PARD3B: variants seen among roughly 807,000 people sequenced by gnomAD.
PARD3B encodes the protein partitioning defective 3 homolog B.
In PARD3B, 103 loss-of-function variants were observed where a neutral mutation model predicts 130.2. The ratio of observed to expected loss-of-function variants is 0.79; its 90% confidence interval spans 0.67 to 0.93. PARD3B has a LOEUF of 0.93. PARD3B is among the 40% of genes least tolerant of loss of function. PARD3B has a pLI of 0.00. For missense variants in PARD3B, 1,609 were observed against 1,499.2 expected (o/e 1.07, Z -1.21); for synonymous variants, 583 against 553.2 (o/e 1.05, Z -0.76).
chr2:205,500,040 A>T lies in PARD3B; in HGVS notation c.3180+9A>T. ...AGTATGACCTACTCTGGGTAAGCGCATGCATGATTTCAATCGTTGAATTCA... is the reference window on the plus strand; with the variant it reads ...AGTATGACCTACTCTGGGTAAGCGCTTGCATGATTTCAATCGTTGAATTCA... On this transcript the variant is annotated intron_variant, in intron 21 of 22. Coordinates refer to ENST00000406610, the MANE Select transcript of PARD3B (RefSeq NM_001302769.2). 1 of 1,610,934 alleles carries T rather than the reference A, an allele frequency of 6.2e-7. No homozygotes were observed. The highest frequency in any genetic ancestry group is 8.5e-7 in the Non-Finnish European group (1 of 1,178,736).
intron 2 of PARD3B, among the ~76,000 whole-genome samples, chr2:204,763,909 C>G (rs2041017382): frequency 6.6e-6 from 1 of 152,136 alleles, no homozygotes; most frequent in Non-Finnish European, 1.5e-5. Context: ...AATTTTTAAT[C>G]TATGTAATAC....
intron 3 of PARD3B, among the ~76,000 whole-genome samples, chr2:204,970,844 T>C (rs1691637922): frequency 6.6e-6 from 1 of 152,222 alleles, no homozygotes; most frequent in Non-Finnish European, 1.5e-5. Context: ...TTTATTCTCC[T>C]CTTGTGTGTT....
intron 18 of PARD3B, among the ~76,000 whole-genome samples, chr2:205,336,080 C>T (rs746809634): frequency 3.3e-5 from 5 of 152,184 alleles, no homozygotes; most frequent in Admixed American, 6.5e-5. Context: ...TCTCAAACTC[C>T]TGTCCTCAAG....
In PARD3B at chr2:205,113,583, A is replaced by G. The variant is rs1452165467; in HGVS notation, c.680+6A>G. ...TTTTCATCTCTGAGTGGAAGGTAAG[A>G]TGTTTTTCTCATTCCAGAAGCTCAT... On this transcript the variant is annotated splice_donor_region_variant and intron_variant, in intron 6 of 22. Transcript: ENST00000406610. The G allele has an allele frequency of 1.9e-6, 3 of 1,606,212 alleles. No homozygotes were observed. The highest frequency in any genetic ancestry group is 2.6e-6 in the Non-Finnish European group (3 of 1,174,562).
chr2:204,997,176 C>G (rs1332945401), intron 3 of PARD3B, among the ~76,000 whole-genome samples: 3 of 152,304 alleles, frequency 2.0e-5, no homozygotes, highest in Non-Finnish European at 2.9e-5. Flanking sequence ...TGATATCTGT[C>G]AGGGTAGGTT....
At chr2:205,583,676 C>G (rs982469536) in intron 22 of PARD3B, among the ~76,000 whole-genome samples, 3 of 152,166 alleles carry the variant, frequency 2.0e-5, no homozygotes, top group Non-Finnish European at 2.9e-5. Context: ...GTCCCAAATG[C>G]AACCAAAATG....
chr2:205,509,241 A>G (rs2050497404), intron 21 of PARD3B, among the ~76,000 whole-genome samples: 2 of 152,252 alleles, frequency 1.3e-5, no homozygotes, highest in South Asian at 4.1e-4. Context: ...ATATATATAT[A>G]TTGTTTGTTA....
intron 18 of PARD3B, among the ~76,000 whole-genome samples, chr2:205,396,615 C>T (rs773381235): frequency 3.3e-5 from 5 of 152,158 alleles, no homozygotes; most frequent in Non-Finnish European, 5.9e-5. Context: ...TTTAAACAGG[C>T]TTCCCAGGTA....
In PARD3B at chr2:205,301,388, T is replaced by G; in HGVS notation, c.2393-76T>G. The G allele has an allele frequency of 5.9e-6, 9 of 1,538,318 alleles. No homozygotes were observed. The highest frequency in any genetic ancestry group is 2.3e-5 in the East Asian group (1 of 44,316). On this transcript the variant is annotated intron_variant, in intron 17 of 22. Transcript: ENST00000406610. The surrounding 1 kb of genome is among the most constrained non-coding windows in gnomAD (Gnocchi z 5.2). ...TGCTGTTATTCATTCTTTTGCATTT[T>G]ACATGTTAGCGTTTCTCTGTATACT...
At chr2:205,476,761 T>C (rs967177006) in intron 20 of PARD3B, among the ~76,000 whole-genome samples, 1 of 152,224 alleles carries the variant, frequency 6.6e-6, no homozygotes, top group Admixed American at 6.5e-5. Flanking sequence ...ACAGCAATCA[T>C]TTATCACTTA....
intron 2 of PARD3B, among the ~76,000 whole-genome samples, chr2:204,695,116 T>C (rs116173643): frequency 0.013 from 2,030 of 152,108 alleles, 55 homozygotes; most frequent in African/African-American, 0.046. Context: ...TAAGAGTCAA[T>C]GAACACTTTC....
chr2:205,197,402 TTA>T (rs2036756066), intron 15 of PARD3B, among the ~76,000 whole-genome samples: 2 of 152,162 alleles, frequency 1.3e-5, no homozygotes, highest in Admixed American at 1.3e-4. Flanking sequence ...TGTTTATTGA[TTA>T]ACTACAGATA....
At chr2:204,940,568 T>A (rs983603632) in intron 2 of PARD3B, among the ~76,000 whole-genome samples, 5 of 151,864 alleles carry the variant, frequency 3.3e-5, no homozygotes, top group Non-Finnish European at 7.4e-5. Context: ...ACAAAAAAAA[T>A]TGTAGAAAGG....
chr2:204,828,082 A>G (rs2043659756), intron 2 of PARD3B, among the ~76,000 whole-genome samples: 1 of 152,176 alleles, frequency 6.6e-6, no homozygotes, highest in Non-Finnish European at 1.5e-5. Flanking sequence ...CATCTGAACT[A>G]CAAAGGAAGA....
chr2:204,570,059 G>A (rs1357804870), intron 1 of PARD3B, among the ~76,000 whole-genome samples: 1 of 152,266 alleles, frequency 6.6e-6, no homozygotes, highest in Non-Finnish European at 1.5e-5. Flanking sequence ...CTGGAGGTGT[G>A]TGTGCTGATC....
chr2:205,475,447 A>G (rs1443378264), intron 20 of PARD3B, among the ~76,000 whole-genome samples: 1 of 152,184 alleles, frequency 6.6e-6, no homozygotes, highest in Admixed American at 6.6e-5. Flanking sequence ...TTTATAGTCA[A>G]TTTCTGAAAT....
chr2:204,774,525 C>T (rs1264791339), intron 2 of PARD3B, among the ~76,000 whole-genome samples: 1 of 152,038 alleles, frequency 6.6e-6, no homozygotes, highest in Non-Finnish European at 1.5e-5. Flanking sequence ...TCTGATTGCT[C>T]ATGTATTGTA....
intron 11 of PARD3B, among the ~76,000 whole-genome samples, chr2:205,168,411 AT>A (rs1372928454): frequency 1.3e-5 from 2 of 152,130 alleles, no homozygotes; most frequent in Non-Finnish European, 2.9e-5. Context: ...GAATTCATTT[AT>A]GTAAAGTCAA....
At chr2:204,935,432 G>A (rs1036381737) in intron 2 of PARD3B, among the ~76,000 whole-genome samples, 5 of 151,184 alleles carry the variant, frequency 3.3e-5, no homozygotes, top group Non-Finnish European at 4.4e-5. Context: ...CCAGCTACTC[G>A]GGAGGCTGAG....
Sources: gnomAD v4.1 joint callset for allele counts (sites outside exome capture counted in the v4.1 genomes callset) on GRCh38, gnomAD v4.1.1 for gene constraint, Gnocchi (gnomAD v3.1) non-coding constraint, MANE v1.5 for transcripts, NCBI Gene and HGNC (gene_info 2026-07-23, HGNC 2026-07-21) for gene names.